MANBA: variants seen among roughly 807,000 people sequenced by gnomAD.
The protein encoded by MANBA is beta-mannosidase.
A neutral mutation model predicts 111.1 loss-of-function variants in MANBA; 83 were observed. That is an observed-to-expected ratio of 0.75 (90% confidence interval 0.63 to 0.90). The LOEUF (loss-of-function observed/expected upper bound fraction) is 0.90. Among genes scored for constraint, MANBA ranks in the 40% least tolerant of loss-of-function variants. The pLI, the probability that MANBA is intolerant of heterozygous loss-of-function variation, is 0.00. For missense variants in MANBA, 1,036 were observed against 1,069.0 expected, an observed-to-expected ratio of 0.97 and a Z score of 0.43; for synonymous variants, 370 against 378.7, an observed-to-expected ratio of 0.98 and a Z score of 0.27.
intron 15 of MANBA, among the ~76,000 whole-genome samples, chr4:102,635,548 C>T (rs978267849): frequency 6.6e-6 from 1 of 152,176 alleles, no homozygotes; most frequent in Non-Finnish European, 1.5e-5. Context: ...CAGCCTCTCA[C>T]AATTATAAAT....
At chr4:102,707,955 A>C (rs2110265954) in intron 5 of MANBA, among the ~76,000 whole-genome samples, 1 of 152,334 alleles carries the variant, frequency 6.6e-6, no homozygotes, top group South Asian at 2.1e-4. Context: ...AATCCACAAG[A>C]GAATATAATA....
intron 1 of MANBA, chr4:102,730,533 T>C: frequency 1.9e-6 from 1 of 531,630 alleles, no homozygotes; most frequent in South Asian, 1.4e-5. Flanking sequence ...CTTATAGATT[T>C]TTCTATGAGA....
At position 102,712,727 on chromosome 4, in the gene MANBA, C is replaced by T. The variant is rs1448860161; in HGVS notation, c.673+1711G>A. 2.0e-5 allele frequency among the ~76,000 whole-genome samples: 3 copies of T among 152,094 alleles called. No individual in the cohort carries two copies. In the East Asian group the frequency reaches 5.8e-4, roughly 29 times the overall value. ...ATTTTTTGTCAGAGATAGGATTTTG[C>T]CATGTTGTCTAGGTCGGTCTCTAAC... On this transcript the variant is annotated intron_variant, in intron 5 of 16. Coordinates refer to ENST00000647097, the MANE Select transcript of MANBA (RefSeq NM_005908.4).
At chr4:102,729,344 T>C (rs1722936115) in intron 1 of MANBA, 1 of 758,656 alleles carries the variant, frequency 1.3e-6, no homozygotes, top group Non-Finnish European at 2.4e-6. Flanking sequence ...CTCTCAGCCT[T>C]GGCCTGGCTG....
intron 7 of MANBA, among the ~76,000 whole-genome samples, chr4:102,679,059 C>T (rs1731848852): frequency 6.6e-6 from 1 of 152,226 alleles, no homozygotes; most frequent in Admixed American, 6.5e-5. Flanking sequence ...GACAACCAAA[C>T]ACTGCATTTC....
intron 1 of MANBA, chr4:102,728,854 G>T: frequency 1.2e-6 from 1 of 842,850 alleles, no homozygotes; most frequent in Non-Finnish European, 2.0e-6. Context: ...AGGAGCTGGA[G>T]CCCACACCAG....
At chr4:102,756,797 T>TAAA (rs35787338) in intron 1 of MANBA, among the ~76,000 whole-genome samples, 1,000 of 70,898 alleles carry the variant, frequency 0.014, 15 homozygotes, top group African/African-American at 0.021. Context: ...AGAGACTATC[T>TAAA]AAAAAAAAAA....
intron 7 of MANBA, among the ~76,000 whole-genome samples, chr4:102,682,376 T>C (rs1316603710): frequency 2.0e-5 from 3 of 151,974 alleles, no homozygotes; most frequent in Admixed American, 6.6e-5. Flanking sequence ...TGCCAGTATA[T>C]AGTAATAATG....
intron 7 of MANBA, among the ~76,000 whole-genome samples, chr4:102,688,386 T>TACCCACACACAC (rs1732318073): frequency 7.1e-6 from 1 of 140,472 alleles, no homozygotes; most frequent in Non-Finnish European, 1.6e-5. Flanking sequence ...CCTCCCCCCT[T>TACCCACACACAC]ACACACACAC....
At chr4:102,667,593 T>C (rs1303638497) in intron 10 of MANBA, 1 of 152,228 alleles carries the variant, frequency 6.6e-6, no homozygotes, top group Non-Finnish European at 1.5e-5. Flanking sequence ...TATTATCCTA[T>C]TTAATTTTTG....
Position 102,636,009 on chromosome 4 carries a change from T to C in MANBA, c.2015-2A>G. 1 of 1,613,346 alleles carries C rather than the reference T, an allele frequency of 6.2e-7. No homozygotes were observed. Among genetic ancestry groups the C allele is most frequent in the Non-Finnish European group, 8.5e-7 (1 of 1,179,336 alleles). Reference sequence around the variant, plus strand: ...GCATTTTCCACTTTCCTCCGTACTCTGAAAATAATCAAGAGTGTCAGGAGA... The same window carrying C: ...GCATTTTCCACTTTCCTCCGTACTCCGAAAATAATCAAGAGTGTCAGGAGA... On this transcript the variant is annotated splice_acceptor_variant, in intron 14 of 16. Transcript: ENST00000647097. LOFTEE classifies it high-confidence loss of function.
chr4:102,737,362 G>T (rs905377718), intron 1 of MANBA, among the ~76,000 whole-genome samples: 4 of 152,170 alleles, frequency 2.6e-5, no homozygotes, highest in African/African-American at 9.7e-5. Context: ...TCTCAGTCCT[G>T]CTCACCGGCT....
intron 7 of MANBA, among the ~76,000 whole-genome samples, chr4:102,680,961 T>A (rs1451018402): frequency 6.6e-6 from 1 of 152,240 alleles, no homozygotes; most frequent in African/African-American, 2.4e-5. Context: ...TAGGCCTATC[T>A]GACCAATTCA....
chr4:102,671,975 T>C, intron 8 of MANBA: 1 of 401,770 alleles, frequency 2.5e-6, no homozygotes. Flanking sequence ...CCCAGAGCAC[T>C]GTGGGCTCAG....
At position 102,632,201 on chromosome 4, in the gene MANBA, T is replaced by C. The variant is rs776459541; in HGVS notation, c.2496A>G (p.Val832=). Residue 832 remains valine, a synonymous_variant, in exon 17 of 17, where the codon GTA becomes GTG. Transcript: ENST00000647097. The part of the protein sequence containing the change: ...SAVAPFVWLD[V]GSIPGRFSDN... ...CACTAAATCTCCCTGGGATGCTTCC[T>C]ACATCCAACCAAACAAAGGGAGCGA... The C allele has an allele frequency of 6.2e-7, 1 of 1,613,352 alleles. No homozygotes were observed. Among genetic ancestry groups the C allele is most frequent in the East Asian group, 2.2e-5 (1 of 44,874 alleles).
chr4:102,722,891 G>A lies in MANBA; in HGVS notation c.529C>T (p.His177Tyr). Residue 177 changes from histidine (H) to tyrosine (Y), a missense_variant, in exon 4 of 17, where the codon CAT becomes TAT. Transcript: ENST00000647097. Reference protein sequence around the residue: ...CPPLVQKGECHVNFVRKEQCS... With the variant: ...CPPLVQKGECYVNFVRKEQCS... Reference sequence around the variant, plus strand: ...ATTACCTTCCGAACAAAGTTGACATGGCATTCACCCTTCTGCACAAGTGGA... The same window carrying A: ...ATTACCTTCCGAACAAAGTTGACATAGCATTCACCCTTCTGCACAAGTGGA... 2 of 1,614,138 alleles carry A rather than the reference G, an allele frequency of 1.2e-6. No homozygotes were observed. Among genetic ancestry groups the A allele is most frequent in the Non-Finnish European group, 1.7e-6 (2 of 1,180,020 alleles).
At chr4:102,646,394 C>T (rs1248299049) in intron 13 of MANBA, among the ~76,000 whole-genome samples, 9 of 152,064 alleles carry the variant, frequency 5.9e-5, no homozygotes, top group African/African-American at 1.9e-4. Flanking sequence ...AAAACCTGGG[C>T]CTACAGCATC....
intron 11 of MANBA, among the ~76,000 whole-genome samples, chr4:102,662,191 T>G (rs1013351131): frequency 6.6e-6 from 1 of 152,136 alleles, no homozygotes; most frequent in Admixed American, 6.6e-5. Context: ...TCTACCTTGT[T>G]GAACAAAAGC....
At position 102,730,147 on chromosome 4, in the gene MANBA, A is replaced by AC. The variant is rs1340182350; in HGVS notation, c.178-3465dup. On this transcript the variant is annotated intron_variant, in intron 1 of 16. Transcript: ENST00000647097. ...GGCCCAGAGGTGGACACCTTGTAGG[A>AC]CTTCTGGGTCACCCTGATGGACATG... is the stretch of plus-strand genomic sequence containing the variant. 3 of 1,190,680 alleles carry AC rather than the reference A, an allele frequency of 2.5e-6. No individual in the cohort carries two copies. In the African/African-American group the frequency reaches 4.6e-5, roughly 18 times the overall value. 73.8% of individuals were successfully genotyped at this position (1,190,680 alleles called of 1,614,324 possible).
Sources: allele counts gnomAD v4.1 joint callset (sites outside exome capture counted in the v4.1 genomes callset), GRCh38; gene constraint gnomAD v4.1.1; transcripts MANE v1.5; gene names NCBI Gene and HGNC (gene_info 2026-07-23, HGNC 2026-07-21).